Variants in ZNF438 observed in about 807,000 individuals in gnomAD.
ZNF438 encodes the protein zinc finger protein 438.
In ZNF438, 25 loss-of-function variants were observed where a neutral mutation model predicts 38.0. The ratio of observed to expected loss-of-function variants is 0.66; its 90% CI spans 0.48 to 0.92. The LOEUF is 0.92. Among genes scored for constraint, ZNF438 ranks in the 40% least tolerant of loss-of-function variants. The probability of loss-of-function intolerance (pLI) is 0.00; values close to 1 mark genes in which losing one functional copy is unlikely to be tolerated. For synonymous variants in ZNF438, 372 were observed against 364.1 expected (o/e 1.02, Z -0.25); for missense variants, 1,007 against 999.6 (o/e 1.01, Z -0.10).
intron 1 of ZNF438, among the ~76,000 whole-genome samples, chr10:30,993,491 C>G (rs1455524287): frequency 6.6e-6 from 1 of 152,242 alleles, no homozygotes; most frequent in Non-Finnish European, 1.5e-5. Flanking sequence ...CCACAAGGTG[C>G]TAATTCTGCA....
chr10:31,018,373 C>T (rs1000073792), intron 1 of ZNF438, among the ~76,000 whole-genome samples: 11 of 152,292 alleles, frequency 7.2e-5, no homozygotes, highest in East Asian at 5.8e-4. Flanking sequence ...CTGGCAAGGA[C>T]GAATCAACTC....
intron 1 of ZNF438, among the ~76,000 whole-genome samples, chr10:30,956,280 G>C (rs755617876): frequency 1.2e-4 from 19 of 152,172 alleles, no homozygotes; most frequent in Non-Finnish European, 1.9e-4. Context: ...GAGACTGTTA[G>C]TGAAATGATA....
At chr10:30,888,607 T>C (rs1368890437) in intron 3 of ZNF438, among the ~76,000 whole-genome samples, 3 of 152,200 alleles carry the variant, frequency 2.0e-5, no homozygotes, top group Admixed American at 1.3e-4. Flanking sequence ...CTCCCACTTA[T>C]AAGTGAGAAC....
intron 2 of ZNF438, among the ~76,000 whole-genome samples, chr10:30,910,683 CAAAAAAA>C (rs11375197): frequency 1.8e-4 from 16 of 89,768 alleles, no homozygotes; most frequent in African/African-American, 7.3e-4. Flanking sequence ...GTATATTGGC[CAAAAAAA>C]AAAAAAAAAA....
intron 4 of ZNF438, chr10:30,857,857 C>G: frequency 2.1e-6 from 2 of 934,256 alleles, no homozygotes; most frequent in African/African-American, 1.7e-5. Context: ...AATGTCTTAC[C>G]CAGCTTTATT....
chr10:30,998,074 T>C (rs966559786), intron 1 of ZNF438, among the ~76,000 whole-genome samples: 4 of 152,208 alleles, frequency 2.6e-5, no homozygotes, highest in African/African-American at 7.2e-5. Context: ...CTAACTGATA[T>C]AGAAAGAAAG....
At chr10:30,863,981 G>A (rs1215281498) in intron 4 of ZNF438, among the ~76,000 whole-genome samples, 1 of 152,076 alleles carries the variant, frequency 6.6e-6, no homozygotes, top group African/African-American at 2.4e-5. Flanking sequence ...ACTCTTGGCG[G>A]CCCACATTCC....
intron 2 of ZNF438, among the ~76,000 whole-genome samples, chr10:30,936,186 A>T (rs1471319644): frequency 6.6e-6 from 1 of 152,202 alleles, no homozygotes; most frequent in African/African-American, 2.4e-5. Context: ...TAAACCTCTA[A>T]AGCCCGATTT....
intron 1 of ZNF438, among the ~76,000 whole-genome samples, chr10:31,019,145 A>C (rs2056413953): frequency 6.6e-6 from 1 of 152,192 alleles, no homozygotes; most frequent in African/African-American, 2.4e-5. Context: ...CATAGTCATC[A>C]GAGTTTCTTT....
intron 2 of ZNF438, among the ~76,000 whole-genome samples, chr10:30,911,752 TCA>T (rs879643672): frequency 1.7e-4 from 26 of 152,128 alleles, no homozygotes; most frequent in Non-Finnish European, 3.1e-4. Flanking sequence ...ATTCTCCTCT[TCA>T]TGCTCTCTCT....
At chr10:31,007,836 T>C (rs1199981613) in intron 1 of ZNF438, among the ~76,000 whole-genome samples, 3 of 152,204 alleles carry the variant, frequency 2.0e-5, no homozygotes, top group Non-Finnish European at 4.4e-5. Context: ...GACTCAGTTC[T>C]AGAATTTACT....
chr10:30,850,294 A>G, exon 5 of ZNF438: 4 of 1,614,194 alleles, frequency 2.5e-6, no homozygotes, highest in Non-Finnish European at 3.4e-6. Context: ...TTTTTGGTGC[A>G]ATGGTCCTAA....
At chr10:30,947,177 C>A (rs936629339) in intron 1 of ZNF438, among the ~76,000 whole-genome samples, 1 of 152,182 alleles carries the variant, frequency 6.6e-6, no homozygotes, top group African/African-American at 2.4e-5. Context: ...CTTTTATCCT[C>A]CAGACCGCAT....
chr10:30,851,477 T>C (rs1276853719), intron 4 of ZNF438, among the ~76,000 whole-genome samples: 1 of 152,262 alleles, frequency 6.6e-6, no homozygotes, highest in East Asian at 1.9e-4. Flanking sequence ...TATCCCAGGA[T>C]TGGCTATTGC....
intron 1 of ZNF438, among the ~76,000 whole-genome samples, chr10:31,001,098 T>C (rs2054609386): frequency 6.6e-6 from 1 of 152,218 alleles, no homozygotes; most frequent in African/African-American, 2.4e-5. Context: ...ACAACACGAT[T>C]ACAACACTCA....
At chr10:30,883,692 A>G (rs2039570144) in intron 3 of ZNF438, among the ~76,000 whole-genome samples, 1 of 152,270 alleles carries the variant, frequency 6.6e-6, no homozygotes, top group East Asian at 1.9e-4. Context: ...CAACACAGTG[A>G]AACCCATCTC....
chr10:31,020,596 TTTCTGGGCCTGATGGTTTAA>T (rs531732355), intron 1 of ZNF438, among the ~76,000 whole-genome samples: 44 of 152,278 alleles, frequency 2.9e-4, no homozygotes, highest in Middle Eastern at 3.4e-3. Context: ...TTTAAATTCC[TTTCTGGGCCTGATGGTTTAA>T]AGGAGGTTGC....
chr10:30,992,897 G>C (rs942292235), intron 1 of ZNF438, among the ~76,000 whole-genome samples: 3 of 152,204 alleles, frequency 2.0e-5, no homozygotes, highest in Admixed American at 6.5e-5. Context: ...ATGCCCTAGG[G>C]GTTTGTGGAA....
intron 1 of ZNF438, among the ~76,000 whole-genome samples, chr10:30,946,716 A>G (rs183109016): frequency 6.6e-6 from 1 of 152,312 alleles, no homozygotes. Flanking sequence ...TTTAAACTTA[A>G]TGTAATTATT....
Sources: gnomAD v4.1 joint callset for allele counts (sites outside exome capture counted in the v4.1 genomes callset) on GRCh38, gnomAD v4.1.1 for gene constraint, MANE v1.5 for transcripts, NCBI Gene and HGNC (gene_info 2026-07-23, HGNC 2026-07-21) for gene names.